PRIMA1: variants seen among roughly 807,000 people sequenced by gnomAD.
PRIMA1 encodes proline rich membrane anchor 1.
A neutral mutation model predicts 17.5 loss-of-function variants in PRIMA1; 7 were observed. That is an observed-to-expected ratio of 0.40 (90% confidence interval 0.23 to 0.75). The LOEUF is 0.75. Ranked by LOEUF, PRIMA1 falls within the 30% of genes least tolerant of loss-of-function variation. The pLI, the probability that PRIMA1 is intolerant of heterozygous loss-of-function variation, is 0.37. For synonymous variants in PRIMA1, 97 were observed against 77.9 expected, an observed-to-expected ratio of 1.25 and a Z score of -1.29; for missense variants, 200 against 201.8, an observed-to-expected ratio of 0.99 and a Z score of 0.05.
chr14:93,742,755 C>A lies in PRIMA1; in HGVS notation c.230-5385G>T, dbSNP rs184673006. ...CTATCAGAGGAGATGATGGAGGCAG[C>A]CTTTTGGTGGGTACCAGGAGTAGGA... On this transcript the variant is annotated intron_variant, in intron 3 of 4. Coordinates refer to ENST00000393140, the MANE Select transcript of PRIMA1 (RefSeq NM_178013.4). 1.6e-3 allele frequency among the ~76,000 whole-genome samples: 250 copies of A among 152,290 alleles called. 2 individuals carry two copies. The highest frequency in any genetic ancestry group is 2.9e-3 in the Non-Finnish European group (194 of 68,018).
At chr14:93,762,029 C>A (rs1884741993) in intron 3 of PRIMA1, among the ~76,000 whole-genome samples, 2 of 152,198 alleles carry the variant, frequency 1.3e-5, no homozygotes, top group African/African-American at 4.8e-5. Context: ...TCTGTATCCA[C>A]AGAAACAACC....
At chr14:93,722,652 C>CGGTGAT (rs2076047779) in intron 4 of PRIMA1, among the ~76,000 whole-genome samples, 1 of 118,382 alleles carries the variant, frequency 8.4e-6, no homozygotes. Flanking sequence ...GTGGTGGTGG[C>CGGTGAT]GATGGTGATA....
rs1226161780 is a variant in PRIMA1 at position 93,772,491 on chromosome 14, TC to T, written c.229+6684del. Among the ~76,000 whole-genome samples the T allele has an allele frequency of 2.0e-5, 3 of 152,362 alleles. No homozygotes were observed. The South Asian group carries it at 6.2e-4, about 32-fold the overall frequency. ...CTGGTACACATCTCCTTCCATGGCCTCCGCCATCTGAGTCACAGGCGGGGAC... is the reference window on the plus strand; with the variant it reads ...CTGGTACACATCTCCTTCCATGGCCTCGCCATCTGAGTCACAGGCGGGGAC... On this transcript the variant is annotated intron_variant, in intron 3 of 4. Transcript: ENST00000393140.
chr14:93,752,620 C>A (rs1474204377), intron 3 of PRIMA1, among the ~76,000 whole-genome samples: 1 of 152,248 alleles, frequency 6.6e-6, no homozygotes, highest in Non-Finnish European at 1.5e-5. Context: ...AGAACTCCAC[C>A]AGTGCAATAT....
At chr14:93,758,794 T>G (rs1223563401) in intron 3 of PRIMA1, among the ~76,000 whole-genome samples, 2 of 152,034 alleles carry the variant, frequency 1.3e-5, no homozygotes, top group East Asian at 1.9e-4. Flanking sequence ...AGCAAAGCAT[T>G]GTGCAATGGA....
chr14:93,779,100 G>A lies in PRIMA1; in HGVS notation c.229+76C>T, dbSNP rs201232474. ...TTACCAAGGAGGCAGGGCTGCCCTC[G>A]GCCACACTCAGTGGATCTTCGTGGG... On this transcript the variant is annotated intron_variant, in intron 3 of 4. Coordinates refer to ENST00000393140, the MANE Select transcript of PRIMA1 (RefSeq NM_178013.4). The A allele has an allele frequency of 1.4e-4, 156 of 1,094,654 alleles. 1 individual carries two copies. The highest frequency in any genetic ancestry group is 1.9e-4 in the Non-Finnish European group (148 of 791,604). 67.8% of individuals were successfully genotyped at this position (1,094,654 alleles called of 1,614,324 possible). A position where few individuals can be genotyped will look rare whatever the true frequency, so the allele number is the denominator to read the frequency against.
chr14:93,759,953 C>T (rs1362206738), intron 3 of PRIMA1, among the ~76,000 whole-genome samples: 1 of 152,240 alleles, frequency 6.6e-6, no homozygotes, highest in African/African-American at 2.4e-5. Flanking sequence ...GGCTCCTCCT[C>T]CAGGGGCCGA....
chr14:93,782,262 C>A (rs1024752308), intron 2 of PRIMA1, among the ~76,000 whole-genome samples: 1 of 126,508 alleles, frequency 7.9e-6, no homozygotes, highest in Non-Finnish European at 1.7e-5. Context: ...AGCAAGACTC[C>A]GTCTCAAAAA....
At chr14:93,751,389 C>T (rs989905263) in intron 3 of PRIMA1, among the ~76,000 whole-genome samples, 1 of 152,232 alleles carries the variant, frequency 6.6e-6, no homozygotes, top group African/African-American at 2.4e-5. Context: ...CACCCTACCA[C>T]TTCCGTTGCC....
At chr14:93,779,383 G>A in intron 2 of PRIMA1, 72 bp from the exon 3 acceptor site, 1 of 1,329,724 alleles carries the variant, frequency 7.5e-7, no homozygotes, top group Non-Finnish European at 1.0e-6. Flanking sequence ...AACAAGCCCA[G>A]GCCACCCCGT....
intron 3 of PRIMA1, among the ~76,000 whole-genome samples, chr14:93,749,699 C>A (rs1393248479): frequency 6.6e-6 from 1 of 152,212 alleles, no homozygotes; most frequent in Non-Finnish European, 1.5e-5. Flanking sequence ...AGAGCCCCAG[C>A]ACCTAGTTGA....
chr14:93,768,006 T>C (rs969799216), intron 3 of PRIMA1, among the ~76,000 whole-genome samples: 3 of 152,118 alleles, frequency 2.0e-5, no homozygotes, highest in African/African-American at 4.8e-5. Flanking sequence ...TTGCAAACAT[T>C]GTGAATATAC....
chr14:93,749,702 CT>C (rs2076248313), intron 3 of PRIMA1, among the ~76,000 whole-genome samples: 4 of 152,196 alleles, frequency 2.6e-5, no homozygotes, highest in Non-Finnish European at 5.9e-5. Flanking sequence ...GCCCCAGCAC[CT>C]AGTTGATGCT....
chr14:93,752,431 T>A (rs2076265737), intron 3 of PRIMA1, among the ~76,000 whole-genome samples: 1 of 152,066 alleles, frequency 6.6e-6, no homozygotes, highest in Non-Finnish European at 1.5e-5. Context: ...GCGGGGCCCC[T>A]CACTCCCTCT....
intron 3 of PRIMA1, among the ~76,000 whole-genome samples, chr14:93,770,441 A>G (rs1395568118): frequency 6.6e-6 from 1 of 152,194 alleles, no homozygotes; most frequent in Non-Finnish European, 1.5e-5. Flanking sequence ...GGCAGCAGCC[A>G]CGCTGGCTCT....
intron 3 of PRIMA1, among the ~76,000 whole-genome samples, chr14:93,741,412 GC>G (rs1489217634): frequency 6.6e-6 from 1 of 152,202 alleles, no homozygotes; most frequent in East Asian, 1.9e-4. Context: ...TTCTGGAGGT[GC>G]TAAGACAGCT....
At chr14:93,774,327 AG>A (rs1236633213) in intron 3 of PRIMA1, among the ~76,000 whole-genome samples, 44 of 152,184 alleles carry the variant, frequency 2.9e-4, no homozygotes, top group Non-Finnish European at 4.4e-5. Flanking sequence ...GGTCACCCTG[AG>A]GGGCAGGGCA....
chr14:93,739,853 G>A (rs1308294578), intron 3 of PRIMA1, among the ~76,000 whole-genome samples: 2 of 152,080 alleles, frequency 1.3e-5, no homozygotes, highest in African/African-American at 4.8e-5. Flanking sequence ...ATCACCTGAG[G>A]TCAGGAGTTT....
At chr14:93,725,912 G>A in intron 4 of PRIMA1, 1 of 456,356 alleles carries the variant, frequency 2.2e-6, no homozygotes, top group South Asian at 1.5e-5. Context: ...AGCTCTGTGA[G>A]TCAGCTGAGG....
Sources: allele counts gnomAD v4.1 joint callset (sites outside exome capture counted in the v4.1 genomes callset), GRCh38; gene constraint gnomAD v4.1.1; transcripts MANE v1.5; gene names NCBI Gene and HGNC (gene_info 2026-07-23, HGNC 2026-07-21).